Variants in NCKAP1L observed in about 807,000 individuals in gnomAD.
NCKAP1L encodes the protein NCK associated protein 1 like, also known as nck-associated protein 1-like.
In NCKAP1L, 53 loss-of-function variants were observed where a neutral mutation model predicts 139.2. The ratio of observed to expected loss-of-function variants is 0.38; its 90% CI spans 0.31 to 0.48. The LOEUF is 0.48. Ranked by LOEUF, NCKAP1L falls within the 20% of genes least tolerant of loss-of-function variation. NCKAP1L has a pLI of 0.98. For synonymous variants in NCKAP1L, 468 were observed against 499.7 expected, an observed-to-expected ratio of 0.94 and a Z score of 0.85; for missense variants, 1,151 against 1,381.9, an observed-to-expected ratio of 0.83 and a Z score of 2.65.
At chr12:54,504,851 A>G (rs76451403) in intron 3 of NCKAP1L, among the ~76,000 whole-genome samples, 40 of 152,350 alleles carry the variant, frequency 2.6e-4, no homozygotes, top group African/African-American at 9.6e-4. Flanking sequence ...AAGGCAATAG[A>G]CCAACACATG....
chr12:54,513,627 CAAATA>C (rs1956906116), intron 9 of NCKAP1L, among the ~76,000 whole-genome samples: 1 of 152,084 alleles, frequency 6.6e-6, no homozygotes, highest in Non-Finnish European at 1.5e-5. Context: ...GTTGGGAGAT[CAAATA>C]AAATAAGAAT....
intron 9 of NCKAP1L, among the ~76,000 whole-genome samples, chr12:54,512,804 TTGTG>T (rs146581573): frequency 2.1e-5 from 3 of 145,284 alleles, no homozygotes; most frequent in Admixed American, 2.0e-4. Flanking sequence ...GTGTGAGTAA[TTGTG>T]TGTGTGTGTG....
chr12:54,525,090 A>G (rs1478909468), intron 20 of NCKAP1L, among the ~76,000 whole-genome samples: 1 of 152,228 alleles, frequency 6.6e-6, no homozygotes, highest in Non-Finnish European at 1.5e-5. Flanking sequence ...AGAGACTGGT[A>G]GGATGTAAGG....
chr12:54,506,796 A>AAAAAAATATAT lies in NCKAP1L; in HGVS notation c.307-1056_307-1055insAAAAATATATA. ...TTTTGGCAACATATTAAAAAAAAAA[A>AAAAAAATATAT]ATATATATATATATATATATATATA... is the stretch of plus-strand genomic sequence containing the variant. On this transcript the variant is annotated intron_variant, in intron 3 of 30. Coordinates refer to ENST00000293373, the MANE Select transcript of NCKAP1L (RefSeq NM_005337.5). Among the ~76,000 whole-genome samples, 246 of 50,592 alleles carry AAAAAAATATAT rather than the reference A, an allele frequency of 4.9e-3. 5 individuals are homozygous for AAAAAAATATAT. Among genetic ancestry groups the AAAAAAATATAT allele is most frequent in the East Asian group, 0.018 (17 of 932 alleles). The allele number at this position is 50,592 out of a possible 152,430, so 33.2% of individuals were successfully genotyped here.
intron 2 of NCKAP1L, among the ~76,000 whole-genome samples, chr12:54,500,215 C>T (rs1956786912): frequency 6.6e-6 from 1 of 151,872 alleles, no homozygotes; most frequent in Admixed American, 6.6e-5. Context: ...CCTCTGCTTC[C>T]CAGGTTCAAG....
At chr12:54,521,529 T>G (rs1956983586) in intron 18 of NCKAP1L, among the ~76,000 whole-genome samples, 1 of 152,126 alleles carries the variant, frequency 6.6e-6, no homozygotes, top group African/African-American at 2.4e-5. Context: ...TGAGTTAACT[T>G]TCTAATTTAC....
At chr12:54,518,073 G>C in intron 13 of NCKAP1L, 135 bp downstream of exon 13, 2 of 995,402 alleles carry the variant, frequency 2.0e-6, no homozygotes, top group Non-Finnish European at 3.0e-6. Context: ...GGGCGCGGTG[G>C]CTCACGTCTG....
chr12:54,517,070 T>C, intron 11 of NCKAP1L, 78 bp downstream of exon 11: 1 of 1,309,552 alleles, frequency 7.6e-7, no homozygotes, highest in Non-Finnish European at 1.1e-6. Context: ...TCACGAGATT[T>C]TGCCTTTCTG....
At chr12:54,508,863 T>C (rs1380906516) in intron 5 of NCKAP1L, among the ~76,000 whole-genome samples, 1 of 152,198 alleles carries the variant, frequency 6.6e-6, no homozygotes, top group African/African-American at 2.4e-5. Flanking sequence ...GACTTCAGTA[T>C]GCACGGGATA....
At chr12:54,505,821 C>A (rs1275996032) in intron 3 of NCKAP1L, among the ~76,000 whole-genome samples, 2 of 152,132 alleles carry the variant, frequency 1.3e-5, no homozygotes, top group Admixed American at 6.5e-5. Context: ...CGCCACCACA[C>A]CTGGCTAATT....
rs1332289682 is a variant in NCKAP1L at position 54,543,793 on chromosome 12, C to A, written c.*1108C>A. 6.6e-6 allele frequency: 1 copy of A among 152,152 alleles called. No individual in the cohort carries two copies. Among genetic ancestry groups the A allele is most frequent in the Admixed American group, 6.5e-5 (1 of 15,278 alleles). 9.4% of individuals were successfully genotyped at this position (152,152 alleles called of 1,614,324 possible). A position where few individuals can be genotyped will look rare whatever the true frequency, so the allele number is the denominator to read the frequency against. ...TTAACTCCTTGGCAGGAAATAGTGG[C>A]CCCCATGCATCACTTCTGTGAATCC... On this transcript the variant is annotated 3_prime_UTR_variant, in exon 31 of 31. Transcript: ENST00000293373.
At chr12:54,523,784 G>T (rs1438069515) in intron 19 of NCKAP1L, 41 bp from the exon 20 acceptor site, 1 of 1,593,224 alleles carries the variant, frequency 6.3e-7, no homozygotes. Flanking sequence ...ACATTAGCAG[G>T]CAGTGCCAGA....
chr12:54,532,139 T>C, intron 25 of NCKAP1L, 31 bp from the exon 26 acceptor site: 1 of 1,545,478 alleles, frequency 6.5e-7, no homozygotes, highest in South Asian at 1.1e-5. Flanking sequence ...GTCATGGTCT[T>C]GTGGACTCAT....
At chr12:54,513,237 G>T (rs1490422625) in intron 9 of NCKAP1L, among the ~76,000 whole-genome samples, 1 of 152,200 alleles carries the variant, frequency 6.6e-6, no homozygotes, top group Non-Finnish European at 1.5e-5. Flanking sequence ...TGGATATCTG[G>T]TATTCCTTAA....
intron 7 of NCKAP1L, among the ~76,000 whole-genome samples, 180 bp from the exon 8 acceptor site, chr12:54,511,623 T>C (rs1472587244): frequency 6.6e-6 from 1 of 152,186 alleles, no homozygotes; most frequent in African/African-American, 2.4e-5. Context: ...CCCAGGCTGG[T>C]CTTGAACTCC....
At chr12:54,499,288 T>C (rs1956777325) in intron 1 of NCKAP1L, 67 bp from the exon 2 acceptor site, 1 of 909,596 alleles carries the variant, frequency 1.1e-6, no homozygotes, top group Non-Finnish European at 1.8e-6. Flanking sequence ...GAATGAATGT[T>C]GCAAGAAGAG....
At chr12:54,506,474 C>T (rs1027989472) in intron 3 of NCKAP1L, among the ~76,000 whole-genome samples, 3 of 151,830 alleles carry the variant, frequency 2.0e-5, no homozygotes, top group Non-Finnish European at 4.4e-5. Flanking sequence ...ATGATCTCAG[C>T]TCACTGCAAC....
Position 54,535,125 on chromosome 12 carries a change from C to G in NCKAP1L, c.2884C>G (p.Leu962Val), listed in dbSNP as rs917196879. The G allele has an allele frequency of 4.3e-6, 7 of 1,613,278 alleles. No individual in the cohort carries two copies. Among genetic ancestry groups the G allele is most frequent in the Non-Finnish European group, 5.9e-6 (7 of 1,179,562 alleles). ...DIKVTLSIFELASAAGVGCDI... is the reference protein window; with the variant it reads ...DIKVTLSIFEVASAAGVGCDI... ...CCAGGTGACCTTGAGTATCTTTGAG[C>G]TGGCATCTGCTGCAGGTGTGGGCTG... Residue 962 changes from leucine (L) to valine (V), a missense_variant, in exon 27 of 31, where the codon CTG becomes GTG. Transcript: ENST00000293373.
intron 5 of NCKAP1L, among the ~76,000 whole-genome samples, chr12:54,508,756 A>G (rs1285792681): frequency 1.3e-5 from 2 of 152,330 alleles, no homozygotes; most frequent in Middle Eastern, 3.4e-3. Context: ...TTTCAACCAA[A>G]CATGGATTGA....
Sources: allele counts gnomAD v4.1 joint callset (sites outside exome capture counted in the v4.1 genomes callset), GRCh38; gene constraint gnomAD v4.1.1; transcripts MANE v1.5; gene names NCBI Gene and HGNC (gene_info 2026-07-23, HGNC 2026-07-21).